USP34: variants seen among roughly 807,000 people sequenced by gnomAD.
USP34 encodes the protein ubiquitin carboxyl-terminal hydrolase 34.
In USP34, 70 loss-of-function variants were observed where a neutral mutation model predicts 460.3. The ratio of observed to expected loss-of-function variants is 0.15; its 90% CI spans 0.13 to 0.19. The LOEUF is 0.19. USP34 is among the 10% of genes least tolerant of loss of function. The pLI is 1.00. For synonymous variants in USP34, 1,647 were observed against 1,405.3 expected, an observed-to-expected ratio of 1.17 and a Z score of -3.85; for missense variants, 3,985 against 4,236.2, an observed-to-expected ratio of 0.94 and a Z score of 1.65.
At chr2:61,288,090 C>CT (rs1230486713) in intron 34 of USP34, among the ~76,000 whole-genome samples, 1 of 152,162 alleles carries the variant, frequency 6.6e-6, no homozygotes, top group African/African-American at 2.4e-5. Flanking sequence ...CAGCCTTCAG[C>CT]TTTTTTAGGC....
intron 1 of USP34, among the ~76,000 whole-genome samples, chr2:61,444,768 C>T (rs954657178): frequency 3.3e-5 from 5 of 152,194 alleles, no homozygotes; most frequent in East Asian, 1.9e-4. Flanking sequence ...ACATTGCCTC[C>T]TCCAGCCTCT....
chr2:61,458,376 C>G (rs1363168432), intron 1 of USP34, among the ~76,000 whole-genome samples: 1 of 151,682 alleles, frequency 6.6e-6, no homozygotes, highest in Non-Finnish European at 1.5e-5. Context: ...GCCTGGCCAA[C>G]ATGGTGAAAC....
At position 61,405,798 on chromosome 2, in the gene USP34, C is replaced by T. The variant is rs1362255035; in HGVS notation, c.462G>A (p.Lys154=). 1 of 1,609,792 alleles carries T rather than the reference C, an allele frequency of 6.2e-7. No homozygotes were observed. Among genetic ancestry groups the T allele is most frequent in the East Asian group, 2.2e-5 (1 of 44,824 alleles). ...TTGCCACACATAGTAAGAGTTTTTC[C>T]TTCTCATCTGTACTCCATAAACTAA... ...DPFSLWSTDE[K]EKLLLCVAKI... is the part of the protein sequence containing the mutation. The change falls in exon 3 of 80, where the codon AAG becomes AAA. Residue 154 remains lysine, a synonymous_variant. Coordinates refer to ENST00000398571, the MANE Select transcript of USP34 (RefSeq NM_014709.4).
chr2:61,401,361 C>CA, intron 3 of USP34, among the ~76,000 whole-genome samples: 1 of 151,148 alleles, frequency 6.6e-6, no homozygotes, highest in Middle Eastern at 3.4e-3. Context: ...CCTCAGCCTC[C>CA]CAAGTAGCTG....
intron 2 of USP34, among the ~76,000 whole-genome samples, chr2:61,410,143 G>A (rs747269255): frequency 1.3e-5 from 2 of 152,064 alleles, no homozygotes; most frequent in Non-Finnish European, 2.9e-5. Context: ...TATTGTGCAC[G>A]TTATAGTATC....
At chr2:61,236,641 A>G (rs1688077100) in intron 53 of USP34, among the ~76,000 whole-genome samples, 1 of 152,188 alleles carries the variant, frequency 6.6e-6, no homozygotes, top group African/African-American at 2.4e-5. Context: ...AAAATGCTGC[A>G]AGAATTCTGA....
At chr2:61,381,264 A>C (rs1015319349) in intron 6 of USP34, among the ~76,000 whole-genome samples, 1 of 61,458 alleles carries the variant, frequency 1.6e-5, no homozygotes, top group Non-Finnish European at 3.8e-5. Context: ...AAAAAAAATA[A>C]AACACACACA....
chr2:61,364,221 A>G (rs1488084856), intron 10 of USP34, among the ~76,000 whole-genome samples: 1 of 152,104 alleles, frequency 6.6e-6, no homozygotes, highest in Non-Finnish European at 1.5e-5. Context: ...AAAAATACAA[A>G]AATTAGGTAG....
chr2:61,398,125 G>A (rs1436744558), intron 3 of USP34, among the ~76,000 whole-genome samples: 1 of 151,970 alleles, frequency 6.6e-6, no homozygotes, highest in Non-Finnish European at 1.5e-5. Context: ...TATAATCCCA[G>A]CACTGTGGGA....
intron 50 of USP34, 64 bp downstream of exon 50, chr2:61,246,260 A>G: frequency 7.6e-7 from 1 of 1,307,198 alleles, no homozygotes; most frequent in Non-Finnish European, 1.0e-6. Flanking sequence ...AAAACTAAAC[A>G]CTGAAAACAT....
At chr2:61,442,898 T>TACACACACACAC (rs58151221) in intron 1 of USP34, among the ~76,000 whole-genome samples, 6,706 of 147,154 alleles carry the variant, frequency 0.046, 165 homozygotes, top group East Asian at 0.077. Context: ...GTGATGTGTG[T>TACACACACACAC]ACACACACAC....
intron 3 of USP34, among the ~76,000 whole-genome samples, chr2:61,399,874 C>CAAAAAAAAAAA (rs529141667): frequency 0.018 from 1,288 of 69,828 alleles, 133 homozygotes; most frequent in African/African-American, 0.066. Flanking sequence ...CACTGTCTCC[C>CAAAAAAAAAAA]AAAAAAAAAA....
chr2:61,331,677 A>G (rs969482601), intron 19 of USP34, among the ~76,000 whole-genome samples: 2 of 152,038 alleles, frequency 1.3e-5, no homozygotes, highest in African/African-American at 4.8e-5. Flanking sequence ...AGAATATACT[A>G]TGTGCTTTGG....
chr2:61,401,731 T>G (rs1374815929), intron 3 of USP34, among the ~76,000 whole-genome samples: 12 of 148,832 alleles, frequency 8.1e-5, no homozygotes, highest in African/African-American at 2.2e-4. Context: ...TTTTTTTTTT[T>G]GTATTTTTAG....
chr2:61,193,382 A>AG (rs1234887758), intron 75 of USP34: 2 of 152,040 alleles, frequency 1.3e-5, no homozygotes, highest in East Asian at 1.9e-4. Flanking sequence ...AAAAAAAAAA[A>AG]AAAAAAAGTG....
chr2:61,372,439 G>A (rs1300072959), intron 8 of USP34, among the ~76,000 whole-genome samples: 1 of 152,124 alleles, frequency 6.6e-6, no homozygotes, highest in Non-Finnish European at 1.5e-5. Flanking sequence ...GACATTAATA[G>A]AAGACCCAGG....
At chr2:61,319,525 G>T (rs1219526423) in intron 21 of USP34, among the ~76,000 whole-genome samples, 198 bp from the exon 22 acceptor site, 1 of 134,564 alleles carries the variant, frequency 7.4e-6, no homozygotes, top group Middle Eastern at 3.4e-3. Context: ...TGTTCCTACA[G>T]CATATTTATG....
At chr2:61,452,542 C>A (rs915074546) in intron 1 of USP34, among the ~76,000 whole-genome samples, 1 of 151,828 alleles carries the variant, frequency 6.6e-6, no homozygotes, top group Non-Finnish European at 1.5e-5. Context: ...TCAGGCTGGT[C>A]TCCTGACCTC....
chr2:61,216,898 A>G (rs1322863619), intron 67 of USP34, among the ~76,000 whole-genome samples: 1 of 150,950 alleles, frequency 6.6e-6, no homozygotes, highest in Non-Finnish European at 1.5e-5. Flanking sequence ...AGCCTGGGCG[A>G]TGGGGCAAGA....
Sources: gnomAD v4.1 joint callset for allele counts (sites outside exome capture counted in the v4.1 genomes callset) on GRCh38, gnomAD v4.1.1 for gene constraint, MANE v1.5 for transcripts, NCBI Gene and HGNC (gene_info 2026-07-23, HGNC 2026-07-21) for gene names.